The following ZNF404 variants were observed in gnomAD, a reference collection of about 807,000 sequenced individuals.
ZNF404 encodes the protein zinc finger protein 404.
Under a neutral mutation model 7.3 loss-of-function variants are expected in ZNF404, and 7 were observed. The observed-to-expected ratio is 0.95, with a 90% CI of 0.54 to 1.79. The LOEUF (loss-of-function observed/expected upper bound fraction) is 1.79, where lower values mean the gene tolerates loss of function less well. Among genes scored for constraint, ZNF404 ranks in the 40% most tolerant of loss-of-function variants. The pLI is 0.00. For synonymous variants in ZNF404, 191 were observed against 209.9 expected (o/e 0.91, Z 0.78); for missense variants, 560 against 661.5 (o/e 0.85, Z 1.68).
chr19:43,873,816 C>A lies in ZNF404; in HGVS notation c.398G>T (p.Cys133Phe), dbSNP rs759706244. The A allele has an allele frequency of 6.3e-6, 10 of 1,595,234 alleles. No homozygotes were observed. In the Admixed American group the frequency reaches 8.5e-5, roughly 14 times the overall value. ...RNNTREKSYE[C>F]KEYKKGFRKY... is the part of the protein sequence containing the mutation. ...TCTAAAGCCCTTCTTATATTCCTTACACTCATATGATTTCTCTCTTGTGTT... is the reference window on the plus strand; with the variant it reads ...TCTAAAGCCCTTCTTATATTCCTTAAACTCATATGATTTCTCTCTTGTGTT... Residue 133 changes from cysteine (C) to phenylalanine (F), a missense_variant, in exon 3 of 3, where the codon TGT becomes TTT. By Grantham distance (205) the Cys-to-Phe change is radical. Transcript: ENST00000587539.
At chr19:43,881,949 C>G (rs942820197) in intron 1 of ZNF404, among the ~76,000 whole-genome samples, 3 of 85,736 alleles carry the variant, frequency 3.5e-5, no homozygotes, top group Non-Finnish European at 6.4e-5. Flanking sequence ...AAGAGTGAAA[C>G]TCTGTCTCAA....
chr19:43,877,385 A>G lies in ZNF404; in HGVS notation c.136+2625T>C, dbSNP rs1168375721. ...CTTCGGTCTCTATATACTATTTCCC[A>G]TTAATGTGAACTAGGGTGCCTTGGA... On this transcript the variant is annotated intron_variant, in intron 2 of 2. Coordinates refer to ENST00000587539, the MANE Select transcript of ZNF404 (RefSeq NM_001033719.3). Among the ~76,000 whole-genome samples the G allele has an allele frequency of 3.3e-5, 5 of 152,100 alleles. No homozygotes were observed. The East Asian group carries it at 9.6e-4, about 29-fold the overall frequency.
chr19:43,881,986 C>G (rs1971899048), intron 1 of ZNF404, among the ~76,000 whole-genome samples: 1 of 146,804 alleles, frequency 6.8e-6, no homozygotes, highest in African/African-American at 2.5e-5. Flanking sequence ...AAAATCCCAG[C>G]AGAGCTTTTG....
chr19:43,874,082 A>G lies in ZNF404; in HGVS notation c.137-5T>C, dbSNP rs542758495. ...TTTCAGTTGTGAAATTAAAGTCTGG[A>G]AGAAAATGAAAAAACAAACAAATGC... On this transcript the variant is annotated splice_region_variant and splice_polypyrimidine_tract_variant and intron_variant, in intron 2 of 2. Transcript: ENST00000587539. The G allele has an allele frequency of 6.5e-7, 1 of 1,531,888 alleles. No individual in the cohort carries two copies. Among genetic ancestry groups the G allele is most frequent in the East Asian group, 2.3e-5 (1 of 44,256 alleles). The allele number at this position is 1,531,888 out of a possible 1,614,324, so 94.9% of individuals were successfully genotyped here. A position where few individuals can be genotyped will look rare whatever the true frequency, so the allele number is the denominator to read the frequency against.
chr19:43,873,279 T>C lies in ZNF404; in HGVS notation c.935A>G (p.Tyr312Cys). ...EQCEKAFVRSYLLVEHQRSHT... is the reference protein window; with the variant it reads ...EQCEKAFVRSCLLVEHQRSHT... ...ACTTCTTTGATGTTCAACAAGTAGA[T>C]AGCTGCGAACAAAGGCCTTTTCACA... Residue 312 changes from tyrosine (Y) to cysteine (C), a missense_variant, in exon 3 of 3, where the codon TAT becomes TGT. Coordinates refer to ENST00000587539, the MANE Select transcript of ZNF404 (RefSeq NM_001033719.3). 6.2e-7 allele frequency: 1 copy of C among 1,613,646 alleles called. No homozygotes were observed. Among genetic ancestry groups the C allele is most frequent in the Non-Finnish European group, 8.5e-7 (1 of 1,179,690 alleles).
chr19:43,882,911 G>GC (rs1332498905), intron 1 of ZNF404, among the ~76,000 whole-genome samples: 1 of 151,962 alleles, frequency 6.6e-6, no homozygotes, highest in Non-Finnish European at 1.5e-5. Flanking sequence ...GACCAGCCTG[G>GC]CCAACATGGT....
At chr19:43,883,603 T>G (rs1352327336) in intron 1 of ZNF404, among the ~76,000 whole-genome samples, 1 of 152,134 alleles carries the variant, frequency 6.6e-6, no homozygotes, top group Non-Finnish European at 1.5e-5. Flanking sequence ...GTGGAGAAAG[T>G]TTCCACTCCT....
chr19:43,882,698 G>A (rs1971906022), intron 1 of ZNF404, among the ~76,000 whole-genome samples: 1 of 151,778 alleles, frequency 6.6e-6, no homozygotes, highest in Admixed American at 6.6e-5. Flanking sequence ...GGCTGAGGTG[G>A]GAGGATCACT....
chr19:43,879,498 T>C (rs746739234), intron 2 of ZNF404, among the ~76,000 whole-genome samples: 2 of 152,160 alleles, frequency 1.3e-5, no homozygotes, highest in Non-Finnish European at 2.9e-5. Context: ...GCATGGAATC[T>C]ATCAGATCAC....
intron 2 of ZNF404, among the ~76,000 whole-genome samples, chr19:43,876,366 T>C (rs1372168620): frequency 6.6e-6 from 1 of 151,858 alleles, no homozygotes; most frequent in African/African-American, 2.4e-5. Context: ...AGGAAAAGAA[T>C]GATGGACTGC....
chr19:43,872,566 G>A lies in ZNF404; in HGVS notation c.1648C>T (p.Leu550Phe). Residue 550 changes from leucine (L) to phenylalanine (F), a missense_variant, in exon 3 of 3, where the codon CTC becomes TTC. Leu to Phe is a conservative substitution (Grantham distance 22). Transcript: ENST00000587539. This position sits in a 1 kb window ranked among gnomAD's most constrained non-coding sequence, Gnocchi z 4.4. ...GGCTTTCCCTCTCATTACATTAAGAGTCTCTCACCATGGTGAAATCTTTGA... is the reference window on the plus strand; with the variant it reads ...GGCTTTCCCTCTCATTACATTAAGAATCTCTCACCATGGTGAAATCTTTGA... ...QHQRFHHGERLLM is the reference protein window; with the variant it reads ...QHQRFHHGERFLM 1 of 1,600,006 alleles carries A rather than the reference G, an allele frequency of 6.2e-7. No homozygotes were observed. Among genetic ancestry groups the A allele is most frequent in the Non-Finnish European group, 8.5e-7 (1 of 1,172,794 alleles).
At chr19:43,879,783 G>A (rs1315799118) in intron 2 of ZNF404, among the ~76,000 whole-genome samples, 2 of 152,166 alleles carry the variant, frequency 1.3e-5, no homozygotes, top group African/African-American at 2.4e-5. Flanking sequence ...ATAGGACAGG[G>A]CAGAGGCAGG....
intron 2 of ZNF404, among the ~76,000 whole-genome samples, chr19:43,876,503 G>T (rs117593143): frequency 0.041 from 6,166 of 151,536 alleles, 183 homozygotes; most frequent in Non-Finnish European, 0.065. Flanking sequence ...ATGACAAGGG[G>T]GAAATGACCA....
In ZNF404 at chr19:43,880,070, C is replaced by T; in HGVS notation, c.76G>A (p.Asp26Asn). The T allele has an allele frequency of 6.2e-7, 1 of 1,613,746 alleles. No individual in the cohort carries two copies. Among genetic ancestry groups the T allele is most frequent in the Non-Finnish European group, 8.5e-7 (1 of 1,179,736 alleles). Residue 26 changes from aspartate (D) to asparagine (N), a missense_variant, in exon 2 of 3, where the codon GAT becomes AAT. Transcript: ENST00000587539. Reference protein sequence around the residue: ...SQEEWEYLNSDQRDLYRDVML... With the variant: ...SQEEWEYLNSNQRDLYRDVML... ...ACATCTCTGTACAAATCCCTCTGAT[C>T]CGAGTTTAAATATTCCCACTCCTCC...
intron 1 of ZNF404, among the ~76,000 whole-genome samples, chr19:43,882,227 C>T (rs1971901600): frequency 6.6e-6 from 1 of 152,064 alleles, no homozygotes; most frequent in Non-Finnish European, 1.5e-5. Context: ...TGGCTTTAAA[C>T]AAGTGACTAA....
At chr19:43,881,264 A>G (rs1971892961) in intron 1 of ZNF404, among the ~76,000 whole-genome samples, 1 of 152,214 alleles carries the variant, frequency 6.6e-6, no homozygotes, top group African/African-American at 2.4e-5. Context: ...AGAAATAAAA[A>G]GCATCTAGAT....
intron 2 of ZNF404, among the ~76,000 whole-genome samples, chr19:43,878,915 C>T (rs1380305115): frequency 6.6e-6 from 1 of 152,114 alleles, no homozygotes; most frequent in African/African-American, 2.4e-5. Context: ...ACATAAATAC[C>T]CTCTGGTGGA....
At chr19:43,877,898 A>T (rs1452873264) in intron 2 of ZNF404, among the ~76,000 whole-genome samples, 6 of 150,578 alleles carry the variant, frequency 4.0e-5, no homozygotes, top group Non-Finnish European at 7.4e-5. Flanking sequence ...CCATGTCCCT[A>T]CAAAGGACAT....
chr19:43,879,369 G>A (rs972288394), intron 2 of ZNF404, among the ~76,000 whole-genome samples: 1 of 152,090 alleles, frequency 6.6e-6, no homozygotes, highest in African/African-American at 2.4e-5. Context: ...AAGCAGATAA[G>A]GACATGAAAA....
Sources: gnomAD v4.1 joint callset for allele counts (sites outside exome capture counted in the v4.1 genomes callset) on GRCh38, gnomAD v4.1.1 for gene constraint, Gnocchi (gnomAD v3.1) non-coding constraint, MANE v1.5 for transcripts, NCBI Gene and HGNC (gene_info 2026-07-23, HGNC 2026-07-21) for gene names.